Variants in LACTB2 observed in about 807,000 individuals in gnomAD.
LACTB2 encodes endoribonuclease LACTB2.
In LACTB2, 32 loss-of-function variants were observed where a neutral mutation model predicts 34.8. The ratio of observed to expected loss-of-function variants is 0.92; its 90% confidence interval spans 0.69 to 1.24. The LOEUF is 1.24. LACTB2 is among the 50% of genes most tolerant of loss of function. The pLI, the probability that LACTB2 is intolerant of heterozygous loss-of-function variation, is 0.00. For synonymous variants in LACTB2, 120 were observed against 117.5 expected (o/e 1.02, Z -0.14); for missense variants, 320 against 345.0 (o/e 0.93, Z 0.57).
intron 5 of LACTB2, among the ~76,000 whole-genome samples, chr8:70,639,709 T>C (rs781652131): frequency 5.6e-4 from 85 of 151,898 alleles, no homozygotes; most frequent in Non-Finnish European, 1.1e-3. Flanking sequence ...ATGCCTGTAA[T>C]CCCAGCACTT....
intron 3 of LACTB2, among the ~76,000 whole-genome samples, chr8:70,644,504 C>G (rs1488152352): frequency 6.6e-6 from 1 of 152,154 alleles, no homozygotes; most frequent in African/African-American, 2.4e-5. Context: ...CAGGGTCTCA[C>G]TCTGTTGCCC....
intron 3 of LACTB2, among the ~76,000 whole-genome samples, chr8:70,653,036 G>C (rs1233910109): frequency 6.6e-6 from 1 of 152,188 alleles, no homozygotes; most frequent in Non-Finnish European, 1.5e-5. Context: ...AATACTTTTT[G>C]AGCAAGTAGT....
chr8:70,663,911 G>A (rs991795625), intron 1 of LACTB2, among the ~76,000 whole-genome samples: 10 of 152,066 alleles, frequency 6.6e-5, no homozygotes, highest in African/African-American at 2.4e-4. Context: ...AAGCTTGTCT[G>A]TTTGGTTCAA....
intron 1 of LACTB2, chr8:70,662,161 G>T: frequency 7.4e-6 from 2 of 270,160 alleles, no homozygotes; most frequent in Non-Finnish European, 1.4e-5. Context: ...AAATAAACAT[G>T]GCACCATTCC....
intron 1 of LACTB2, among the ~76,000 whole-genome samples, chr8:70,665,664 A>G (rs1001513073): frequency 6.6e-6 from 1 of 152,196 alleles, no homozygotes; most frequent in African/African-American, 2.4e-5. Flanking sequence ...GGTAGGTACT[A>G]CACAACCTTC....
intron 4 of LACTB2, among the ~76,000 whole-genome samples, chr8:70,643,249 A>G (rs1818222968): frequency 9.5e-6 from 1 of 105,604 alleles, no homozygotes; most frequent in Non-Finnish European, 1.7e-5. Context: ...TTTGAGACAG[A>G]GTTTCGCTCT....
intron 3 of LACTB2, chr8:70,654,532 C>G (rs1818384990): frequency 1.3e-5 from 2 of 151,724 alleles, no homozygotes; most frequent in Non-Finnish European, 2.9e-5. Context: ...ATAGCACTGA[C>G]AAATATGTGT....
intron 1 of LACTB2, among the ~76,000 whole-genome samples, chr8:70,665,647 C>A (rs1052848623): frequency 4.5e-4 from 68 of 152,100 alleles, no homozygotes; most frequent in African/African-American, 1.6e-3. Context: ...CTTATAAAAT[C>A]CAATGAGGTA....
At chr8:70,651,969 A>T (rs1818349368) in intron 3 of LACTB2, 2 of 152,246 alleles carry the variant, frequency 1.3e-5, no homozygotes, top group South Asian at 4.1e-4. Flanking sequence ...AGAGAATTCA[A>T]GACAGTGATC....
chr8:70,648,644 G>A (rs1425960790), intron 3 of LACTB2, among the ~76,000 whole-genome samples: 1 of 152,054 alleles, frequency 6.6e-6, no homozygotes, highest in Non-Finnish European at 1.5e-5. Flanking sequence ...AAATGAAACA[G>A]CACAAAAGAG....
In LACTB2 at chr8:70,637,838, C is replaced by A; in HGVS notation, c.*22G>T. 1 of 1,501,060 alleles carries A rather than the reference C, an allele frequency of 6.7e-7. No individual in the cohort carries two copies. Among genetic ancestry groups the A allele is most frequent in the Non-Finnish European group, 9.0e-7 (1 of 1,107,242 alleles). The allele number at this position is 1,501,060 out of a possible 1,614,324, so 93.0% of individuals were successfully genotyped here. ...ACCATTCTCTGAAAGCAAAATAAAACAAAGCTTTCTTTAATCTGAAACTAA... is the reference window on the plus strand; with the variant it reads ...ACCATTCTCTGAAAGCAAAATAAAAAAAAGCTTTCTTTAATCTGAAACTAA... On this transcript the variant is annotated 3_prime_UTR_variant, in exon 7 of 7. Transcript: ENST00000276590.
intron 4 of LACTB2, among the ~76,000 whole-genome samples, 166 bp downstream of exon 4, chr8:70,643,899 G>A (rs746881155): frequency 1.1e-4 from 17 of 152,170 alleles, no homozygotes; most frequent in Middle Eastern, 3.4e-3. Flanking sequence ...GGTTTGCTAG[G>A]TTTGAAAAAC....
rs1020756367 is a variant in LACTB2, at chr8:70,661,863, G to C, written c.157C>G (p.Pro53Ala). The C allele has an allele frequency of 6.2e-7, 1 of 1,610,194 alleles. No homozygotes were observed. The highest frequency in any genetic ancestry group is 1.3e-5 in the African/African-American group (1 of 74,836). Residue 53 changes from proline to alanine, a missense_variant, in exon 2 of 7, where the codon CCA becomes GCA. Transcript: ENST00000276590. The part of the protein sequence containing the change: ...ILIDTGEPAI[P>A]EYISCLKQAL... ...TGCTTTAAACAGCTGATGTATTCTG[G>C]AATTGCTGGTTCTCCAGTGTCAATG...
chr8:70,661,556 C>T (rs17687336), intron 2 of LACTB2, 178 bp downstream of exon 2: 38,770 of 514,382 alleles, frequency 0.075, 1,750 homozygotes, highest in Non-Finnish European at 0.089. Flanking sequence ...TCAGGATTTC[C>T]GTTCCTCCTT....
At chr8:70,658,411 ATAAAT>A (rs969939478) in intron 2 of LACTB2, among the ~76,000 whole-genome samples, 2 of 152,220 alleles carry the variant, frequency 1.3e-5, no homozygotes, top group Middle Eastern at 3.2e-3. Context: ...CACAAAGAAA[ATAAAT>A]TAATTAACCA....
intron 1 of LACTB2, 111 bp downstream of exon 1, chr8:70,668,888 C>G (rs1818580550): frequency 5.5e-6 from 8 of 1,443,958 alleles, no homozygotes; most frequent in Non-Finnish European, 6.5e-6. Flanking sequence ...CGGGGCTGCC[C>G]AGCTAGGGAC....
chr8:70,660,573 C>T (rs962522924), intron 2 of LACTB2: 6 of 455,834 alleles, frequency 1.3e-5, no homozygotes, highest in African/African-American at 1.2e-4. Flanking sequence ...TGTTCTTGAC[C>T]TCCTTACTGT....
chr8:70,642,522 GAGA>G (rs1818211986), intron 4 of LACTB2, among the ~76,000 whole-genome samples: 1 of 53,688 alleles, frequency 1.9e-5, no homozygotes, highest in African/African-American at 9.8e-5. Context: ...TTTTTTTTTT[GAGA>G]AGGAGTCTCA....
At chr8:70,655,881 A>G (rs1306449483) in intron 3 of LACTB2, among the ~76,000 whole-genome samples, 1 of 152,208 alleles carries the variant, frequency 6.6e-6, no homozygotes, top group Admixed American at 6.5e-5. Context: ...TGATTTTTTG[A>G]TTATGGCCAT....
Sources: allele counts gnomAD v4.1 joint callset (sites outside exome capture counted in the v4.1 genomes callset), GRCh38; gene constraint gnomAD v4.1.1; transcripts MANE v1.5; gene names NCBI Gene and HGNC (gene_info 2026-07-23, HGNC 2026-07-21).